SPAG9: variants seen among roughly 807,000 people sequenced by gnomAD.
SPAG9 encodes the protein sperm associated antigen 9.
A neutral mutation model predicts 166.5 loss-of-function variants in SPAG9; 35 were observed. The observed-to-expected ratio is 0.21, with a 90% confidence interval of 0.16 to 0.28. The LOEUF (loss-of-function observed/expected upper bound fraction) is 0.28. Among genes scored for constraint, SPAG9 ranks in the 10% least tolerant of loss-of-function variants. The pLI is 1.00. For missense variants in SPAG9, 1,235 were observed against 1,603.3 expected (o/e 0.77, Z 3.92); for synonymous variants, 534 against 565.5 (o/e 0.94, Z 0.79).
At chr17:50,986,960 T>C (rs1322571204) in intron 22 of SPAG9, 152 bp downstream of exon 22, 4 of 641,604 alleles carry the variant, frequency 6.2e-6, no homozygotes, top group African/African-American at 3.8e-5. Flanking sequence ...GTTTATGTGG[T>C]AGTTGCAACA....
At position 50,999,731 on chromosome 17, in the gene SPAG9, G is replaced by C. The variant is rs1019581873; in HGVS notation, c.1608-14C>G. The C allele has an allele frequency of 3.8e-6, 6 of 1,599,726 alleles. No homozygotes were observed. The Admixed American group carries it at 8.5e-5, about 23-fold the overall frequency. ...TCTCGTGATGCCCTACATTCAAAAA[G>C]AAAAGAAAAGAAACATTTATCAGTG... On this transcript the variant is annotated splice_polypyrimidine_tract_variant and intron_variant, in intron 13 of 29. Transcript: ENST00000262013.
chr17:50,968,486 T>A (rs1390705678), intron 29 of SPAG9, among the ~76,000 whole-genome samples: 1 of 152,126 alleles, frequency 6.6e-6, no homozygotes, highest in Non-Finnish European at 1.5e-5. Flanking sequence ...ATCCCAGCAC[T>A]TTGGGAGGCT....
chr17:51,064,313 G>A (rs1352270005), intron 2 of SPAG9, among the ~76,000 whole-genome samples: 1 of 152,148 alleles, frequency 6.6e-6, no homozygotes, highest in African/African-American at 2.4e-5. Context: ...CATTTATGAG[G>A]AACTAAACAA....
At chr17:51,092,751 C>CAAAA (rs200338786) in intron 1 of SPAG9, among the ~76,000 whole-genome samples, 1 of 54,150 alleles carries the variant, frequency 1.8e-5, no homozygotes, top group Admixed American at 1.8e-4. Context: ...CTTGTCTCTA[C>CAAAA]AAAAAAAAAA....
intron 3 of SPAG9, among the ~76,000 whole-genome samples, chr17:51,053,377 A>G (rs906663757): frequency 5.3e-5 from 8 of 151,940 alleles, no homozygotes; most frequent in African/African-American, 1.9e-4. Context: ...TAAAAATGAA[A>G]TAAACATTTT....
chr17:51,086,824 A>G (rs1373488372), intron 1 of SPAG9, among the ~76,000 whole-genome samples: 1 of 152,184 alleles, frequency 6.6e-6, no homozygotes, highest in Non-Finnish European at 1.5e-5. Context: ...TGGGAGGCTG[A>G]GGTAGGAAAA....
intron 4 of SPAG9, chr17:51,046,702 C>T (rs1304456435): frequency 6.5e-7 from 1 of 1,535,816 alleles, no homozygotes; most frequent in Non-Finnish European, 8.7e-7. Context: ...CCAAGGAGGC[C>T]TACACGGGGG....
chr17:51,107,486 C>T (rs1356389416), intron 1 of SPAG9, among the ~76,000 whole-genome samples: 2 of 152,132 alleles, frequency 1.3e-5, no homozygotes, highest in Non-Finnish European at 2.9e-5. Context: ...CGCCTGTAAT[C>T]CCAGCACTTT....
intron 21 of SPAG9, among the ~76,000 whole-genome samples, chr17:50,987,816 AAT>A (rs1161971919): frequency 6.6e-5 from 10 of 152,210 alleles, no homozygotes; most frequent in Admixed American, 6.5e-4. Flanking sequence ...AATAAACTGA[AAT>A]ATGTTTAATA....
At chr17:51,115,226 T>C (rs1039852254) in intron 1 of SPAG9, among the ~76,000 whole-genome samples, 4 of 152,158 alleles carry the variant, frequency 2.6e-5, no homozygotes, top group Admixed American at 2.6e-4. Context: ...GGTCTTGCCC[T>C]GTTGTCAAGG....
chr17:50,999,759 G>C lies in SPAG9; in HGVS notation c.1608-42C>G, dbSNP rs768553615. Reference sequence around the variant, plus strand: ...AAGAAAAGAAACATTTATCAGTGAGGTATTCTACCTTTCTTTCTGAAGAAC... The same window carrying C: ...AAGAAAAGAAACATTTATCAGTGAGCTATTCTACCTTTCTTTCTGAAGAAC... On this transcript the variant is annotated intron_variant, in intron 13 of 29. Coordinates refer to ENST00000262013, the MANE Select transcript of SPAG9 (RefSeq NM_001130528.3). 5 of 1,539,526 alleles carry C rather than the reference G, an allele frequency of 3.2e-6. No individual in the cohort carries two copies. The Admixed American group carries it at 5.1e-5, about 16-fold the overall frequency.
At chr17:51,086,916 C>T (rs186317996) in intron 1 of SPAG9, among the ~76,000 whole-genome samples, 5 of 151,926 alleles carry the variant, frequency 3.3e-5, no homozygotes, top group East Asian at 1.9e-4. Context: ...AGTGAGACTC[C>T]GTCTCAAAAA....
intron 1 of SPAG9, among the ~76,000 whole-genome samples, chr17:51,099,781 A>C (rs1325014152): frequency 1.3e-5 from 2 of 150,468 alleles, no homozygotes; most frequent in African/African-American, 2.4e-5. Flanking sequence ...AAAAAAAAAA[A>C]AAAAAAAACT....
At chr17:51,119,764 T>C (rs2049416720) in intron 1 of SPAG9, among the ~76,000 whole-genome samples, 1 of 152,222 alleles carries the variant, frequency 6.6e-6, no homozygotes, top group African/African-American at 2.4e-5. Context: ...ATATATTTAT[T>C]GAGTACTGCC....
chr17:51,020,141 A>G lies in SPAG9; in HGVS notation c.1091+18T>C, dbSNP rs1030462618. 1.3e-6 allele frequency: 2 copies of G among 1,519,532 alleles called. No homozygotes were observed. Among genetic ancestry groups the G allele is most frequent in the African/African-American group, 2.7e-5 (2 of 72,916 alleles). The allele number at this position is 1,519,532 out of a possible 1,614,324, so 94.1% of individuals were successfully genotyped here. The stretch of plus-strand genomic sequence containing the variant: ...GGTGGGGGGCGCAGAATATGTCTTC[A>G]TCTAACATTTATGTTACCTTGAACC... On this transcript the variant is annotated intron_variant, in intron 8 of 29. Coordinates refer to ENST00000262013, the MANE Select transcript of SPAG9 (RefSeq NM_001130528.3).
At chr17:50,971,157 G>C (rs534620014) in intron 28 of SPAG9, among the ~76,000 whole-genome samples, 2 of 152,122 alleles carry the variant, frequency 1.3e-5, no homozygotes, top group African/African-American at 4.8e-5. Flanking sequence ...TACCAAAAAA[G>C]TTAGCCGGGA....
chr17:51,031,398 A>C (rs1455075711), intron 6 of SPAG9: 1 of 443,392 alleles, frequency 2.3e-6, no homozygotes, highest in East Asian at 4.5e-5. Flanking sequence ...ATACCATTAC[A>C]TAGAGCTGGA....
intron 3 of SPAG9, among the ~76,000 whole-genome samples, chr17:51,053,600 G>A (rs946934375): frequency 1.3e-5 from 2 of 151,336 alleles, no homozygotes; most frequent in South Asian, 2.1e-4. Context: ...CAGGAGAATC[G>A]CTTGAACCCA....
At chr17:51,090,328 C>A (rs1481234377) in intron 1 of SPAG9, among the ~76,000 whole-genome samples, 1 of 152,014 alleles carries the variant, frequency 6.6e-6, no homozygotes, top group African/African-American at 2.4e-5. Flanking sequence ...CAAGACCAGC[C>A]TGGCCAACAT....
Sources: allele counts gnomAD v4.1 joint callset (sites outside exome capture counted in the v4.1 genomes callset), GRCh38; gene constraint gnomAD v4.1.1; transcripts MANE v1.5; gene names NCBI Gene and HGNC (gene_info 2026-07-23, HGNC 2026-07-21).